Variants in KLF5 observed in about 807,000 individuals in gnomAD.
KLF5 encodes Krueppel-like factor 5.
Under a neutral mutation model 36.9 loss-of-function variants are expected in KLF5, and 9 were observed. The ratio of observed to expected loss-of-function variants is 0.24; its 90% CI spans 0.15 to 0.43. The LOEUF is 0.43. Ranked by LOEUF, KLF5 falls within the 20% of genes least tolerant of loss-of-function variation. KLF5 has a pLI of 1.00. For missense variants in KLF5, 524 were observed against 599.5 expected (o/e 0.87, Z 1.31); for synonymous variants, 246 against 241.7 (o/e 1.02, Z -0.17).
chr13:73,055,970 TTAGATA>T (rs1336143780), upstream of KLF5, among the ~76,000 whole-genome samples: 1 of 152,180 alleles, frequency 6.6e-6, no homozygotes, highest in Non-Finnish European at 1.5e-5. Context: ...ACAACTGAAT[TTAGATA>T]TTCCTTTTGC....
At position 73,075,938 on chromosome 13, in the gene KLF5, A is replaced by G; in HGVS notation, c.*52A>G. 7.1e-7 allele frequency: 1 copy of G among 1,408,736 alleles called. No individual in the cohort carries two copies. The highest frequency in any genetic ancestry group is 9.5e-7 in the Non-Finnish European group (1 of 1,052,610). The allele number at this position is 1,408,736 out of a possible 1,614,324, so 87.3% of individuals were successfully genotyped here. On this transcript the variant is annotated 3_prime_UTR_variant, in exon 4 of 4. Coordinates refer to ENST00000377687, the MANE Select transcript of KLF5 (RefSeq NM_001730.5). ...TCCCCTGGGCTCCCTCAAATGACAG[A>G]CCTAACTATTCCTGTGTAAAAACAA...
chr13:73,075,970 C>CAAAAA lies in KLF5; in HGVS notation c.*87_*88insAAAAA. On this transcript the variant is annotated 3_prime_UTR_variant, in exon 4 of 4. Transcript: ENST00000377687. The stretch of plus-strand genomic sequence containing the variant: ...TATTCCTGTGTAAAAACAACAAAAA[C>CAAAAA]AAACAAAAGCAAGAAAACCACAACT... 1.9e-6 allele frequency: 2 copies of CAAAAA among 1,063,498 alleles called. No homozygotes were observed. Among genetic ancestry groups the CAAAAA allele is most frequent in the South Asian group, 2.6e-5 (1 of 38,196 alleles). The allele number at this position is 1,063,498 out of a possible 1,614,324, so 65.9% of individuals were successfully genotyped here. A position where few individuals can be genotyped will look rare whatever the true frequency, so the allele number is the denominator to read the frequency against.
At chr13:73,071,672 CG>C (rs1381723684) in intron 3 of KLF5, among the ~76,000 whole-genome samples, 1 of 151,994 alleles carries the variant, frequency 6.6e-6, no homozygotes, top group East Asian at 1.9e-4. Flanking sequence ...GACTAAATTT[CG>C]TAAGTCTCAA....
At chr13:73,071,987 A>T (rs1178785298) in intron 3 of KLF5, among the ~76,000 whole-genome samples, 1 of 152,192 alleles carries the variant, frequency 6.6e-6, no homozygotes, top group Non-Finnish European at 1.5e-5. Context: ...ATATTGATTG[A>T]GTTGTCTTTT....
At position 73,062,193 on chromosome 13, in the gene KLF5, C is replaced by G; in HGVS notation, c.594C>G (p.Thr198=). Residue 198 remains threonine, a synonymous_variant, in exon 2 of 4, where the codon ACC becomes ACG. Transcript: ENST00000377687. ...EFTSIFSSHQ[T]AAPEVNNIFI... ...CCAGTATATTCAGCTCACACCAGAC[C>G]GCAGCTCCAGAGGTGAACAATATTT... is the stretch of plus-strand genomic sequence containing the variant. 6.2e-7 allele frequency: 1 copy of G among 1,614,114 alleles called. No homozygotes were observed. Among genetic ancestry groups the G allele is most frequent in the South Asian group, 1.1e-5 (1 of 91,078 alleles).
rs147911567 is a variant in KLF5 at position 73,061,549 on chromosome 13, A to G, written c.262-312A>G. Among the ~76,000 whole-genome samples the G allele has an allele frequency of 6.6e-5, 10 of 152,320 alleles. No homozygotes were observed. The East Asian group carries it at 1.4e-3, about 21-fold the overall frequency. ...AGGGAATCCTGCTTGTACAGGGGTG[A>G]TGGTACCTTGTTATTGCATCAGAAT... On this transcript the variant is annotated intron_variant, in intron 1 of 3. Coordinates refer to ENST00000377687, the MANE Select transcript of KLF5 (RefSeq NM_001730.5).
chr13:73,055,044 T>C (rs184541295), upstream of KLF5: 38 of 152,332 alleles, frequency 2.5e-4, no homozygotes, highest in East Asian at 1.9e-3. Flanking sequence ...TACTGTGCAG[T>C]TTAAGCTACA....
At chr13:73,071,265 G>C (rs1402311267) in intron 3 of KLF5, among the ~76,000 whole-genome samples, 1 of 152,164 alleles carries the variant, frequency 6.6e-6, no homozygotes, top group African/African-American at 2.4e-5. Flanking sequence ...TAAAGAAAGT[G>C]ATAAATATAA....
intron 1 of KLF5, 70 bp downstream of exon 1, chr13:73,059,658 G>C (rs2044615602): frequency 2.8e-6 from 3 of 1,077,988 alleles, no homozygotes; most frequent in Non-Finnish European, 3.4e-6. Flanking sequence ...TGCGACTCGC[G>C]GGCGACAGGG....
intron 2 of KLF5, 143 bp downstream of exon 2, chr13:73,062,877 AAAAAAAAAAAATTACCTTTTTTTTTTT>A (rs2139105623): frequency 1.8e-6 from 1 of 563,394 alleles, no homozygotes; most frequent in East Asian, 2.8e-5. Flanking sequence ...TTGACAGTAA[AAAAAAAAAAAATTACCTTTTTTTTTTT>A]CTCTATCCTA....
chr13:73,065,624 A>G (rs1303030442), intron 3 of KLF5, among the ~76,000 whole-genome samples: 3 of 152,232 alleles, frequency 2.0e-5, no homozygotes, highest in Non-Finnish European at 4.4e-5. Flanking sequence ...TTTTCAAAAT[A>G]CAAATGACAA....
Position 73,059,546 on chromosome 13 carries a change from G to A in KLF5, c.219G>A (p.Pro73=). The A allele has an allele frequency of 3.4e-6, 4 of 1,175,256 alleles. No individual in the cohort carries two copies. The highest frequency in any genetic ancestry group is 4.2e-6 in the Non-Finnish European group (4 of 955,684). The allele number at this position is 1,175,256 out of a possible 1,614,324, so 72.8% of individuals were successfully genotyped here. The change falls in exon 1 of 4, where the codon CCG becomes CCA. Residue 73 remains proline (P), a synonymous_variant. Transcript: ENST00000377687. Reference sequence around the variant, plus strand: ...CGCAGGCCCCGCAGCCGGCCCAGCCGCCCGCCACCGGCCCGCGGCTGCCTC... The same window carrying A: ...CGCAGGCCCCGCAGCCGGCCCAGCCACCCGCCACCGGCCCGCGGCTGCCTC... The part of the protein sequence containing the change: ...APAQAPQPAQ[P]PATGPRLPPE...
At chr13:73,057,856 T>C (rs767427817), upstream of KLF5, among the ~76,000 whole-genome samples, 11 of 152,332 alleles carry the variant, frequency 7.2e-5, no homozygotes, top group Non-Finnish European at 1.6e-4. Flanking sequence ...TACAAGAACA[T>C]TAAGGATTAA....
intron 3 of KLF5, among the ~76,000 whole-genome samples, chr13:73,069,928 A>G (rs1271480252): frequency 6.6e-6 from 1 of 152,228 alleles, no homozygotes. Flanking sequence ...TTAAAAAATA[A>G]TAATACAGTC....
chr13:73,059,507 G>C lies in KLF5; in HGVS notation c.180G>C (p.Ala60=), dbSNP rs1315943737. 1.6e-6 allele frequency: 2 copies of C among 1,215,006 alleles called. No homozygotes were observed. The highest frequency in any genetic ancestry group is 3.8e-5 in the South Asian group (1 of 26,272). The allele number at this position is 1,215,006 out of a possible 1,614,324, so 75.3% of individuals were successfully genotyped here. A position where few individuals can be genotyped will look rare whatever the true frequency, so the allele number is the denominator to read the frequency against. The change falls in exon 1 of 4, where the codon GCG becomes GCC. Residue 60 remains alanine, a synonymous_variant. Transcript: ENST00000377687. ...AGCACGCGCACCACCGCCCGCAGGC[G>C]CAGCCCGCGCCCGCGCAGGCCCCGC... The part of the protein sequence containing the change: ...ELKHAHHRPQ[A]QPAPAQAPQP...
intron 2 of KLF5, 54 bp downstream of exon 2, chr13:73,062,788 T>C: frequency 1.3e-6 from 2 of 1,528,192 alleles, no homozygotes; most frequent in East Asian, 2.3e-5. Flanking sequence ...TGTGTGTGTG[T>C]GTCTGTGTGC....
At chr13:73,068,762 A>G (rs1173939673) in intron 3 of KLF5, among the ~76,000 whole-genome samples, 1 of 150,788 alleles carries the variant, frequency 6.6e-6, no homozygotes, top group South Asian at 2.1e-4. Context: ...GTCATTTTTC[A>G]TGGAATATAT....
At position 73,077,089 on chromosome 13, in the gene KLF5, G is replaced by C. The variant is rs2044768497; in HGVS notation, c.*1203G>C. The C allele has an allele frequency of 6.6e-6, 1 of 152,602 alleles. No individual in the cohort carries two copies. Among genetic ancestry groups the C allele is most frequent in the South Asian group, 2.1e-4 (1 of 4,832 alleles). 9.5% of individuals were successfully genotyped at this position (152,602 alleles called of 1,614,324 possible). A position where few individuals can be genotyped will look rare whatever the true frequency, so the allele number is the denominator to read the frequency against. On this transcript the variant is annotated 3_prime_UTR_variant, in exon 4 of 4. Coordinates refer to ENST00000377687, the MANE Select transcript of KLF5 (RefSeq NM_001730.5). ...CAATATAAAATAGTAATGTGATGCT[G>C]ATGCTGTTAACCAAAGGGCAGAATA...
At chr13:73,055,650 T>A (rs9530142), upstream of KLF5, among the ~76,000 whole-genome samples, 16,500 of 152,234 alleles carry the variant, frequency 0.11, 1,178 homozygotes, top group Non-Finnish European at 0.17. Context: ...TACAATAGTT[T>A]TAAGTTTTCA....
Sources: gnomAD v4.1 joint callset for allele counts (sites outside exome capture counted in the v4.1 genomes callset) on GRCh38, gnomAD v4.1.1 for gene constraint, MANE v1.5 for transcripts, NCBI Gene and HGNC (gene_info 2026-07-23, HGNC 2026-07-21) for gene names.